The following KCTD16 variants were observed in gnomAD, a reference collection of about 807,000 sequenced individuals.
KCTD16 encodes the protein BTB/POZ domain-containing protein KCTD16.
KCTD16 carries 13 observed loss-of-function variants against 33.2 expected under a neutral mutation model. The observed-to-expected ratio is 0.39, with a 90% CI of 0.25 to 0.62. The LOEUF (loss-of-function observed/expected upper bound fraction) is 0.62. KCTD16 is among the 20% of genes least tolerant of loss of function. KCTD16 has a pLI of 0.50. For missense variants in KCTD16, 441 were observed against 525.1 expected (o/e 0.84, Z 1.57); for synonymous variants, 197 against 195.3 (o/e 1.01, Z -0.07).
intron 3 of KCTD16, among the ~76,000 whole-genome samples, chr5:144,239,043 T>G (rs1754330371): frequency 6.6e-6 from 1 of 152,160 alleles, no homozygotes; most frequent in Non-Finnish European, 1.5e-5. Context: ...AAATGGTTGT[T>G]GAATGAGAGA....
chr5:144,375,374 A>G (rs1176577197), intron 3 of KCTD16, among the ~76,000 whole-genome samples: 1 of 152,194 alleles, frequency 6.6e-6, no homozygotes, highest in South Asian at 2.1e-4. Context: ...AATCATACAT[A>G]TCTCTGCAGA....
At chr5:144,358,687 G>T (rs1054480485) in intron 3 of KCTD16, among the ~76,000 whole-genome samples, 2 of 152,170 alleles carry the variant, frequency 1.3e-5, no homozygotes, top group Non-Finnish European at 2.9e-5. Context: ...ATTTCTCACA[G>T]TTTGGGAGGA....
At chr5:144,408,483 C>T (rs993960846) in intron 3 of KCTD16, among the ~76,000 whole-genome samples, 1 of 152,132 alleles carries the variant, frequency 6.6e-6, no homozygotes, top group Non-Finnish European at 1.5e-5. Flanking sequence ...ACTATAAAAC[C>T]TTCTTGTTTC....
intron 3 of KCTD16, among the ~76,000 whole-genome samples, chr5:144,274,817 T>C (rs1755397803): frequency 6.6e-6 from 1 of 152,184 alleles, no homozygotes; most frequent in Non-Finnish European, 1.5e-5. Flanking sequence ...AAGGTATCAG[T>C]TCTATCTTTA....
rs943404227 is a variant in KCTD16, at chr5:144,478,983, G to C, written c.*4869G>C. 3 of 151,744 alleles carry C rather than the reference G, an allele frequency of 2.0e-5. No homozygotes were observed. The highest frequency in any genetic ancestry group is 4.4e-5 in the Non-Finnish European group (3 of 67,872). 9.4% of individuals were successfully genotyped at this position (151,744 alleles called of 1,614,324 possible). On this transcript the variant is annotated 3_prime_UTR_variant, in exon 4 of 4. Transcript: ENST00000512467. ...CTGCATTATTATAGTCTTAGCTCTG[G>C]GTAGATGGGAGCATATCTCTGAGTG...
intron 3 of KCTD16, among the ~76,000 whole-genome samples, chr5:144,358,292 G>A (rs1751621931): frequency 6.6e-6 from 1 of 152,034 alleles, no homozygotes; most frequent in Non-Finnish European, 1.5e-5. Context: ...AACTAAAATG[G>A]AATTTATAGG....
intron 3 of KCTD16, among the ~76,000 whole-genome samples, chr5:144,330,411 C>CAAAA (rs10577099): frequency 6.9e-4 from 60 of 87,150 alleles, no homozygotes; most frequent in East Asian, 2.2e-3. Context: ...GAAACTCCAT[C>CAAAA]AAAAAAAAAA....
At position 144,285,901 on chromosome 5, in the gene KCTD16, C is replaced by T. The variant is rs567918659; in HGVS notation, c.832+78355C>T. Among the ~76,000 whole-genome samples, 111 of 150,136 alleles carry T rather than the reference C, an allele frequency of 7.4e-4. 1 individual carries two copies. In the South Asian group the frequency reaches 1.0e-2, roughly 13 times the overall value. ...CAATTCTAAGATGCACAGAATTTTT[C>T]GTTTCAACCACAGGCCTGAGTCTTT... On this transcript the variant is annotated intron_variant, in intron 3 of 3. Coordinates refer to ENST00000512467, the MANE Select transcript of KCTD16 (RefSeq NM_020768.4).
chr5:144,294,450 G>T lies in KCTD16; in HGVS notation c.832+86904G>T, dbSNP rs565388591. On this transcript the variant is annotated intron_variant, in intron 3 of 3. Coordinates refer to ENST00000512467, the MANE Select transcript of KCTD16 (RefSeq NM_020768.4). The stretch of plus-strand genomic sequence containing the variant: ...ATGTTTAATGGTGCTCATGTTCCCA[G>T]ATACTCTCTGGGTGTATGTAAGCAT... 9.3e-4 allele frequency among the ~76,000 whole-genome samples: 142 copies of T among 152,172 alleles called. 2 individuals carry two copies. The Middle Eastern group carries it at 0.014, about 15-fold the overall frequency.
chr5:144,231,214 G>C (rs1375490350), intron 3 of KCTD16, among the ~76,000 whole-genome samples: 2 of 151,946 alleles, frequency 1.3e-5, no homozygotes, highest in Non-Finnish European at 2.9e-5. Context: ...GTAAGATTTG[G>C]GGTATTCTTT....
chr5:144,249,231 G>A (rs955565488), intron 3 of KCTD16, among the ~76,000 whole-genome samples: 2 of 151,990 alleles, frequency 1.3e-5, no homozygotes, highest in Admixed American at 6.5e-5. Context: ...CGTGTTCTCC[G>A]TTTCTGTAAT....
chr5:144,277,834 A>G (rs567518132), intron 3 of KCTD16, among the ~76,000 whole-genome samples: 113 of 152,326 alleles, frequency 7.4e-4, no homozygotes, highest in Non-Finnish European at 1.3e-3. Flanking sequence ...CTTTGGGGAA[A>G]TATCTGTTAA....
rs1753184451 is a variant in KCTD16 at position 144,206,768 on chromosome 5, A to C, written c.54A>C (p.Ala18=). 3 of 1,614,160 alleles carry C rather than the reference A, an allele frequency of 1.9e-6. No individual in the cohort carries two copies. Among genetic ancestry groups the C allele is most frequent in the Non-Finnish European group, 2.5e-6 (3 of 1,180,030 alleles). The change falls in exon 3 of 4, where the codon GCA becomes GCC. Residue 18 remains alanine (A), a synonymous_variant. Coordinates refer to ENST00000512467, the MANE Select transcript of KCTD16 (RefSeq NM_020768.4). The stretch of plus-strand genomic sequence containing the variant: ...ATTATCCTCGAGAACAAGGGTCCGC[A>C]GTTCCCAACTCCTTCCCTGAGGTGG... The part of the protein sequence containing the change: ...SRYYPREQGS[A]VPNSFPEVVE...
chr5:144,453,608 T>C (rs939215460), intron 3 of KCTD16, among the ~76,000 whole-genome samples: 4 of 152,122 alleles, frequency 2.6e-5, no homozygotes, highest in Admixed American at 2.6e-4. Flanking sequence ...GAAGAAATAA[T>C]TATTTATTTT....
At chr5:144,381,091 C>T (rs1752203599) in intron 3 of KCTD16, among the ~76,000 whole-genome samples, 1 of 151,924 alleles carries the variant, frequency 6.6e-6, no homozygotes, top group Non-Finnish European at 1.5e-5. Context: ...CTATAAGAAA[C>T]TTAAACAAAT....
intron 3 of KCTD16, among the ~76,000 whole-genome samples, chr5:144,366,830 G>GCCGATCAGAT (rs1267367977): frequency 2.6e-5 from 4 of 152,220 alleles, no homozygotes; most frequent in Non-Finnish European, 2.9e-5. Context: ...GATGGATGAT[G>GCCGATCAGAT]CCGATCAGAT....
chr5:144,413,354 AT>A lies in KCTD16; in HGVS notation c.833-60303del, dbSNP rs767383018. ...AGCCTCTAAGATTATGAGAAAACAA[AT>A]TTCTGTTGGTTAAGCCATCTATTGT... On this transcript the variant is annotated intron_variant, in intron 3 of 3. Transcript: ENST00000512467. 2.0e-4 allele frequency among the ~76,000 whole-genome samples: 31 copies of A among 152,198 alleles called. 1 individual carries two copies. Among genetic ancestry groups the A allele is most frequent in the East Asian group, 1.9e-3 (10 of 5,196 alleles).
chr5:144,306,506 A>C (rs1751606477), intron 3 of KCTD16, among the ~76,000 whole-genome samples: 1 of 152,234 alleles, frequency 6.6e-6, no homozygotes. Context: ...CAGGAAGTAC[A>C]CATCCCACTT....
chr5:144,241,859 T>C (rs1342506893), intron 3 of KCTD16, among the ~76,000 whole-genome samples: 1 of 152,196 alleles, frequency 6.6e-6, no homozygotes, highest in Non-Finnish European at 1.5e-5. Flanking sequence ...CTGTGTTTCA[T>C]GAAATGTGAA....
Sources: gnomAD v4.1 joint callset for allele counts (sites outside exome capture counted in the v4.1 genomes callset) on GRCh38, gnomAD v4.1.1 for gene constraint, MANE v1.5 for transcripts, NCBI Gene and HGNC (gene_info 2026-07-23, HGNC 2026-07-21) for gene names.